Variants in SLX9 observed in about 807,000 individuals in gnomAD.
The protein encoded by SLX9 is ribosome biogenesis protein SLX9 homolog.
In SLX9, 19 loss-of-function variants were observed where a neutral mutation model predicts 20.8. The ratio of observed to expected loss-of-function variants is 0.91; its 90% CI spans 0.64 to 1.34. The LOEUF (loss-of-function observed/expected upper bound fraction) is 1.34. Ranked by LOEUF, SLX9 falls within the 40% of genes most tolerant of loss-of-function variation. The pLI, the probability that SLX9 is intolerant of heterozygous loss-of-function variation, is 0.00. For missense variants in SLX9, 299 were observed against 322.2 expected, an observed-to-expected ratio of 0.93 and a Z score of 0.55; for synonymous variants, 113 against 137.1, an observed-to-expected ratio of 0.82 and a Z score of 1.23.
intron 4 of SLX9, among the ~76,000 whole-genome samples, chr21:44,967,602 CAG>C (rs1293533491): frequency 2.0e-5 from 3 of 152,218 alleles, no homozygotes; most frequent in Admixed American, 6.5e-5. Flanking sequence ...GTGCCTCTGA[CAG>C]GGGCTGCAGT....
intron 4 of SLX9, among the ~76,000 whole-genome samples, chr21:44,971,194 C>G (rs55835776): frequency 0.24 from 10,419 of 44,022 alleles, 1,185 homozygotes; most frequent in African/African-American, 0.43. Context: ...GTGGTGACGC[C>G]GCTGCTCCTG....
chr21:44,956,698 A>G (rs1264458716), intron 2 of SLX9, among the ~76,000 whole-genome samples: 1 of 152,226 alleles, frequency 6.6e-6, no homozygotes, highest in African/African-American at 2.4e-5. Flanking sequence ...AGCCGGTCTC[A>G]TGCTGATTTT....
In SLX9 at chr21:44,976,769, G is replaced by A. The variant is rs769221287; in HGVS notation, c.659G>A (p.Arg220Gln). Residue 220 changes from arginine to glutamine, a missense_variant, in exon 6 of 6, where the codon CGG (arginine) becomes CAG (glutamine). By Grantham distance (43) the Arg-to-Gln change is conservative. Coordinates refer to ENST00000291634, the MANE Select transcript of SLX9 (RefSeq NM_058190.4). ...PLVAIGQTLA[R>Q]QMQLEDGGQL ...GTGGCCATCGGGCAGACGCTGGCCC[G>A]GCAGATGCAGCTGGAAGATGGCGGC... The A allele has an allele frequency of 1.2e-5, 19 of 1,550,690 alleles. No homozygotes were observed. The highest frequency in any genetic ancestry group is 4.8e-5 in the East Asian group (2 of 41,360).
rs562559168 is a variant in SLX9, at chr21:44,956,193, C to T, written c.284-3907C>T. Among the ~76,000 whole-genome samples the T allele has an allele frequency of 3.3e-5, 5 of 152,306 alleles. 1 individual carries two copies. Among genetic ancestry groups the T allele is most frequent in the East Asian group, 3.9e-4 (2 of 5,190 alleles). ...TTGTTAACTGCAGCTGTCTCCCCCT[C>T]GTTGGTAGTTCTTTTGAATTTGTTC... On this transcript the variant is annotated intron_variant, in intron 2 of 5. Transcript: ENST00000291634.
At chr21:44,967,667 G>C (rs2085063182) in intron 4 of SLX9, among the ~76,000 whole-genome samples, 1 of 152,174 alleles carries the variant, frequency 6.6e-6, no homozygotes, top group Non-Finnish European at 1.5e-5. Context: ...TGCACACCCT[G>C]TCCTGCCCCT....
chr21:44,973,213 C>T lies in SLX9; in HGVS notation c.517C>T (p.Pro173Ser), dbSNP rs2085189420. 6.2e-7 allele frequency: 1 copy of T among 1,613,114 alleles called. No individual in the cohort carries two copies. Among genetic ancestry groups the T allele is most frequent in the Non-Finnish European group, 8.5e-7 (1 of 1,179,752 alleles). Reference protein sequence around the residue: ...RQARSRESNKPRPSELSRMSA... With the variant: ...RQARSRESNKSRPSELSRMSA... ...TGTCCACAGCAGGGAGAGCAACAAGCCCCGGCCCTCAGAGCTCAGCCGGAT... is the reference window on the plus strand; with the variant it reads ...TGTCCACAGCAGGGAGAGCAACAAGTCCCGGCCCTCAGAGCTCAGCCGGAT... Residue 173 changes from proline to serine, a missense_variant, in exon 5 of 6, where the codon CCC becomes TCC. Transcript: ENST00000291634.
chr21:44,974,662 C>T (rs1237657662), intron 5 of SLX9, among the ~76,000 whole-genome samples: 3 of 152,198 alleles, frequency 2.0e-5, no homozygotes, highest in Non-Finnish European at 2.9e-5. Flanking sequence ...GCCTCCTGGG[C>T]TGCAGCGATC....
intron 4 of SLX9, among the ~76,000 whole-genome samples, chr21:44,970,246 C>A (rs2085118550): frequency 6.6e-6 from 1 of 152,210 alleles, no homozygotes; most frequent in Non-Finnish European, 1.5e-5. Context: ...CTCTTCTCCC[C>A]GTGTATGTGT....
intron 4 of SLX9, among the ~76,000 whole-genome samples, chr21:44,970,838 T>C (rs1258324608): frequency 6.6e-6 from 1 of 152,176 alleles, no homozygotes; most frequent in Non-Finnish European, 1.5e-5. Context: ...AACCCAAGCA[T>C]TGGGTCCTTG....
At position 44,949,999 on chromosome 21, in the gene SLX9, A is replaced by G. The variant is rs572333263; in HGVS notation, c.283+6162A>G. Reference sequence around the variant, plus strand: ...CAGGTGTGGGACAGTCCCGGGATAGAGACGCAGGCTCTCCCTCCTGCCTTG... The same window carrying G: ...CAGGTGTGGGACAGTCCCGGGATAGGGACGCAGGCTCTCCCTCCTGCCTTG... On this transcript the variant is annotated intron_variant, in intron 2 of 5. Coordinates refer to ENST00000291634, the MANE Select transcript of SLX9 (RefSeq NM_058190.4). Among the ~76,000 whole-genome samples the G allele has an allele frequency of 1.5e-3, 222 of 152,246 alleles. 5 individuals are homozygous for G. The South Asian group carries it at 0.045, about 31-fold the overall frequency.
rs1280226244 is a variant in SLX9 at position 44,960,706 on chromosome 21, G to T, written c.352+538G>T. ...GTCCCCAGACCCTTTCAGGCCTGTG[G>T]CTCCCTCTTTTCTGAGGTCAGCCTT... On this transcript the variant is annotated intron_variant, in intron 3 of 5. Coordinates refer to ENST00000291634, the MANE Select transcript of SLX9 (RefSeq NM_058190.4). Among the ~76,000 whole-genome samples the T allele has an allele frequency of 2.0e-5, 3 of 152,244 alleles. No homozygotes were observed. In the East Asian group the frequency reaches 5.8e-4, roughly 29 times the overall value.
At chr21:44,965,297 T>A (rs1452873593) in intron 3 of SLX9, among the ~76,000 whole-genome samples, 1 of 152,106 alleles carries the variant, frequency 6.6e-6, no homozygotes, top group African/African-American at 2.4e-5. Flanking sequence ...CTCCCCTAGG[T>A]GCTGCAGATG....
chr21:44,964,641 C>T (rs965553300), intron 3 of SLX9, among the ~76,000 whole-genome samples: 1 of 152,230 alleles, frequency 6.6e-6, no homozygotes, highest in Admixed American at 6.5e-5. Context: ...TAGTTGGAAC[C>T]ACACACATGT....
chr21:44,952,759 G>GTCTGAGCATGTGGGTTGCTATT (rs1225304244), intron 2 of SLX9, among the ~76,000 whole-genome samples: 14 of 152,230 alleles, frequency 9.2e-5, no homozygotes, highest in Non-Finnish European at 2.1e-4. Flanking sequence ...GCGGGGCAGT[G>GTCTGAGCATGTGGGTTGCTATT]TCTGAGCATG....
At chr21:44,967,263 C>CG in intron 4 of SLX9, 82 bp downstream of exon 4, 35 of 1,483,872 alleles carry the variant, frequency 2.4e-5, no homozygotes, top group Non-Finnish European at 3.0e-5. Flanking sequence ...GTGGGAGCCA[C>CG]GGGCCACGGT....
chr21:44,967,484 C>T (rs757019304), intron 4 of SLX9, among the ~76,000 whole-genome samples: 13 of 152,092 alleles, frequency 8.5e-5, no homozygotes, highest in Non-Finnish European at 1.5e-4. Context: ...CAGCTCCTGC[C>T]GGGTCCCACT....
At position 44,960,142 on chromosome 21, in the gene SLX9, AG is replaced by A. The variant is rs749408295; in HGVS notation, c.327del (p.Lys109AsnfsTer2). The stretch of plus-strand genomic sequence containing the variant: ...GTTTTGCCCAAGAAGGAGAAAATGA[AG>A]CTGAGGCGTGAGCAATGGTTGCAGA... ...KTVLPKKEKM[K>X]LRREQWLQKI... On this transcript the variant is annotated frameshift_variant, in exon 3 of 6. Transcript: ENST00000291634. LOFTEE classifies it high-confidence loss of function. The A allele has an allele frequency of 3.7e-6, 6 of 1,614,146 alleles. No individual in the cohort carries two copies. In the African/African-American group the frequency reaches 8.0e-5, roughly 22 times the overall value.
rs368819829 is a variant in SLX9 at position 44,971,261 on chromosome 21, C to T, written c.501-1936C>T. On this transcript the variant is annotated intron_variant, in intron 4 of 5. Transcript: ENST00000291634. ...GTCCACACTGGGCGGAGTTAGGCTC[C>T]AATTCCTCCTCGGCTTCCTGCTGTT... 3.3e-4 allele frequency among the ~76,000 whole-genome samples: 50 copies of T among 152,316 alleles called. No individual in the cohort carries two copies. In the Middle Eastern group the frequency reaches 0.014, roughly 41 times the overall value.
chr21:44,950,142 A>G (rs2084728483), intron 2 of SLX9, among the ~76,000 whole-genome samples: 1 of 150,612 alleles, frequency 6.6e-6, no homozygotes, highest in African/African-American at 2.4e-5. Context: ...GCAGAAAATG[A>G]GCCTTGCCCC....
Sources: allele counts gnomAD v4.1 joint callset (sites outside exome capture counted in the v4.1 genomes callset), GRCh38; gene constraint gnomAD v4.1.1; transcripts MANE v1.5; gene names NCBI Gene and HGNC (gene_info 2026-07-23, HGNC 2026-07-21).